Variants in CSRNP3 observed in about 807,000 individuals in gnomAD.
The protein encoded by CSRNP3 is cysteine and serine rich nuclear protein 3.
A neutral mutation model predicts 48.0 loss-of-function variants in CSRNP3; 12 were observed. The ratio of observed to expected loss-of-function variants is 0.25; its 90% CI spans 0.16 to 0.41. CSRNP3 has a LOEUF of 0.41. CSRNP3 is among the 10% of genes least tolerant of loss of function. The probability of loss-of-function intolerance (pLI) is 1.00; values close to 1 mark genes in which losing one functional copy is unlikely to be tolerated. For synonymous variants in CSRNP3, 263 were observed against 269.7 expected, an observed-to-expected ratio of 0.98 and a Z score of 0.24; for missense variants, 580 against 724.4, an observed-to-expected ratio of 0.80 and a Z score of 2.29.
intron 3 of CSRNP3, among the ~76,000 whole-genome samples, chr2:165,559,822 T>C (rs1317151078): frequency 1.7e-5 from 2 of 121,032 alleles, no homozygotes; most frequent in Non-Finnish European, 1.7e-5. Context: ...TTTTTTGAGA[T>C]GGAGTCTCAC....
chr2:165,503,674 C>A (rs1684387397), intron 2 of CSRNP3, among the ~76,000 whole-genome samples: 1 of 151,884 alleles, frequency 6.6e-6, no homozygotes, highest in South Asian at 2.1e-4. Flanking sequence ...CATTAGATAT[C>A]TTTTTGTATT....
intron 5 of CSRNP3, among the ~76,000 whole-genome samples, chr2:165,670,922 C>T (rs1687317705): frequency 6.6e-6 from 1 of 152,094 alleles, no homozygotes; most frequent in African/African-American, 2.4e-5. Flanking sequence ...AAAGAAAACA[C>T]TACAGGAGAA....
At chr2:165,674,970 C>T (rs777340) in intron 5 of CSRNP3, among the ~76,000 whole-genome samples, 65,503 of 151,472 alleles carry the variant, frequency 0.43, 14,237 homozygotes, top group East Asian at 0.55. Flanking sequence ...ACCTTGGACT[C>T]CCAAAGTCCT....
Position 165,637,943 on chromosome 2 carries a change from C to T in CSRNP3, c.149-19818C>T, listed in dbSNP as rs557669193. 2.6e-5 allele frequency among the ~76,000 whole-genome samples: 4 copies of T among 152,198 alleles called. No individual in the cohort carries two copies. The South Asian group carries it at 8.3e-4, about 32-fold the overall frequency. On this transcript the variant is annotated intron_variant, in intron 4 of 6. Transcript: ENST00000651982. ...ATAGTTGCTACAAATTATTGTTAAA[C>T]CTTTTTTAATGCCCCTTTTTCACTG...
Position 165,665,723 on chromosome 2 carries a change from G to A in CSRNP3, c.408+7703G>A, listed in dbSNP as rs1202297644. 4.0e-5 allele frequency among the ~76,000 whole-genome samples: 6 copies of A among 151,072 alleles called. No homozygotes were observed. In the East Asian group the frequency reaches 1.2e-3, roughly 30 times the overall value. ...TGCAGTGAGCTATGATTGTGCCATTGTACTGTAGCCTGGGTCCCAGGCGAC... is the reference window on the plus strand; with the variant it reads ...TGCAGTGAGCTATGATTGTGCCATTATACTGTAGCCTGGGTCCCAGGCGAC... On this transcript the variant is annotated intron_variant, in intron 5 of 6. Coordinates refer to ENST00000651982, the MANE Select transcript of CSRNP3 (RefSeq NM_001172173.2).
chr2:165,523,431 A>G (rs1346914279), intron 3 of CSRNP3, among the ~76,000 whole-genome samples: 1 of 152,138 alleles, frequency 6.6e-6, no homozygotes, highest in African/African-American at 2.4e-5. Context: ...AAGCTCTCCA[A>G]GCAGTAGTCT....
intron 5 of CSRNP3, among the ~76,000 whole-genome samples, chr2:165,663,141 C>T (rs1687124369): frequency 1.3e-5 from 2 of 152,152 alleles, no homozygotes; most frequent in Non-Finnish European, 2.9e-5. Context: ...GATTTATCTT[C>T]CAGATAAGGG....
chr2:165,578,549 G>C (rs1685490011), intron 3 of CSRNP3, among the ~76,000 whole-genome samples: 1 of 152,084 alleles, frequency 6.6e-6, no homozygotes, highest in South Asian at 2.1e-4. Context: ...GACTCTGTAA[G>C]AATGAGATCT....
chr2:165,593,003 G>A (rs923628625), intron 3 of CSRNP3, among the ~76,000 whole-genome samples: 51 of 151,292 alleles, frequency 3.4e-4, no homozygotes, highest in Middle Eastern at 3.4e-3. Context: ...GGGTTTCACC[G>A]TTTTAGCCGG....
chr2:165,630,261 G>A (rs1281311371), intron 4 of CSRNP3, among the ~76,000 whole-genome samples: 2 of 152,116 alleles, frequency 1.3e-5, no homozygotes, highest in African/African-American at 4.8e-5. Context: ...TGTGTATTTT[G>A]AATTAGTCTT....
chr2:165,631,523 C>G (rs955682273), intron 4 of CSRNP3, among the ~76,000 whole-genome samples: 3 of 152,276 alleles, frequency 2.0e-5, no homozygotes, highest in Admixed American at 6.5e-5. Flanking sequence ...TTTATAGCAG[C>G]CAATGGCCAG....
At chr2:165,536,179 A>G (rs887958206) in intron 3 of CSRNP3, among the ~76,000 whole-genome samples, 2 of 151,924 alleles carry the variant, frequency 1.3e-5, no homozygotes, top group Non-Finnish European at 2.9e-5. Context: ...CAACTGTTCT[A>G]AGCTTTTTTC....
intron 3 of CSRNP3, among the ~76,000 whole-genome samples, chr2:165,591,086 T>C (rs1685709274): frequency 6.6e-6 from 1 of 151,506 alleles, no homozygotes; most frequent in Non-Finnish European, 1.5e-5. Context: ...GTTTGGAACT[T>C]CCTAGAGACT....
At chr2:165,501,480 T>G (rs753486768) in intron 2 of CSRNP3, among the ~76,000 whole-genome samples, 2 of 152,180 alleles carry the variant, frequency 1.3e-5, no homozygotes, top group Non-Finnish European at 2.9e-5. Context: ...GAATTTATAA[T>G]TACAATTATT....
chr2:165,665,842 A>G (rs768314801), intron 5 of CSRNP3, among the ~76,000 whole-genome samples: 3 of 148,576 alleles, frequency 2.0e-5, no homozygotes, highest in African/African-American at 5.0e-5. Context: ...AAAGGAAGCA[A>G]GGAAGGAAGG....
At chr2:165,550,944 C>A (rs1031790312) in intron 3 of CSRNP3, among the ~76,000 whole-genome samples, 2 of 152,066 alleles carry the variant, frequency 1.3e-5, no homozygotes, top group African/African-American at 4.8e-5. Flanking sequence ...CATAACCTGC[C>A]CTTCTCCACC....
chr2:165,647,078 C>T lies in CSRNP3; in HGVS notation c.149-10683C>T, dbSNP rs576718681. On this transcript the variant is annotated intron_variant, in intron 4 of 6. Coordinates refer to ENST00000651982, the MANE Select transcript of CSRNP3 (RefSeq NM_001172173.2). ...GGAACACACTTTTTATTTGGTTTAA[C>T]GGCATCACCGAGATAGTACTCGGCA... 1.1e-3 allele frequency among the ~76,000 whole-genome samples: 171 copies of T among 151,590 alleles called. 2 individuals are homozygous for T. Among genetic ancestry groups the T allele is most frequent in the South Asian group, 2.3e-3 (11 of 4,784 alleles).
At position 165,668,569 on chromosome 2, in the gene CSRNP3, T is replaced by C. The variant is rs1376911138; in HGVS notation, c.409-7743T>C. Among the ~76,000 whole-genome samples, 3 of 151,668 alleles carry C rather than the reference T, an allele frequency of 2.0e-5. No homozygotes were observed. The East Asian group carries it at 5.8e-4, about 29-fold the overall frequency. On this transcript the variant is annotated intron_variant, in intron 5 of 6. Transcript: ENST00000651982. ...GGTGCCTGCCATCAATCCTGGCTAG[T>C]TTTTGTATTTTTAGTAGAGACAGGG...
At chr2:165,588,942 A>G (rs778652642) in intron 3 of CSRNP3, among the ~76,000 whole-genome samples, 84 of 152,330 alleles carry the variant, frequency 5.5e-4, no homozygotes, top group Non-Finnish European at 2.6e-4. Context: ...AGACTAGGCG[A>G]CAGAAACCCT....
Sources: gnomAD v4.1 joint callset for allele counts (sites outside exome capture counted in the v4.1 genomes callset) on GRCh38, gnomAD v4.1.1 for gene constraint, MANE v1.5 for transcripts, NCBI Gene and HGNC (gene_info 2026-07-23, HGNC 2026-07-21) for gene names.